Variants in STAG1 observed in about 807,000 individuals in gnomAD.
STAG1 encodes the protein cohesin subunit SA-1.
A neutral mutation model predicts 170.9 loss-of-function variants in STAG1; 26 were observed. The ratio of observed to expected loss-of-function variants is 0.15; its 90% CI spans 0.11 to 0.21. The LOEUF (loss-of-function observed/expected upper bound fraction) is 0.21. STAG1 is among the 10% of genes least tolerant of loss of function. STAG1 has a pLI of 1.00. For missense variants in STAG1, 964 were observed against 1,509.5 expected, an observed-to-expected ratio of 0.64 and a Z score of 5.99; for synonymous variants, 514 against 497.7, an observed-to-expected ratio of 1.03 and a Z score of -0.44.
chr3:136,721,845 AC>A (rs2107929987), intron 1 of STAG1, among the ~76,000 whole-genome samples: 1 of 151,056 alleles, frequency 6.6e-6, no homozygotes, highest in Admixed American at 6.6e-5. Context: ...AATGGCATGA[AC>A]CCGGGAGGCA....
At chr3:136,611,257 C>T (rs1269014189) in intron 3 of STAG1, among the ~76,000 whole-genome samples, 2 of 151,982 alleles carry the variant, frequency 1.3e-5, no homozygotes. Flanking sequence ...TCGAGCGATT[C>T]TCCTGCCTCA....
At chr3:136,458,052 G>T (rs1036068218) in intron 13 of STAG1, among the ~76,000 whole-genome samples, 2 of 152,162 alleles carry the variant, frequency 1.3e-5, no homozygotes, top group Admixed American at 1.3e-4. Flanking sequence ...CATGGGAGGG[G>T]AGCAGTGTTA....
chr3:136,579,280 C>CT (rs1375186249), intron 4 of STAG1, among the ~76,000 whole-genome samples: 1 of 152,226 alleles, frequency 6.6e-6, no homozygotes. Context: ...TCGTACTCAA[C>CT]TAAGTATGAA....
At chr3:136,678,878 A>C (rs1478276593) in intron 1 of STAG1, among the ~76,000 whole-genome samples, 1 of 150,882 alleles carries the variant, frequency 6.6e-6, no homozygotes, top group Non-Finnish European at 1.5e-5. Flanking sequence ...AAAAAGAAGA[A>C]AAAGAAAAAA....
In STAG1 at chr3:136,596,828, C is replaced by G. The variant is rs1450381638; in HGVS notation, c.297+7481G>C. The stretch of plus-strand genomic sequence containing the variant: ...GGGCTCACATCTGTAGTCCCAGCAC[C>G]TTGGGAGGCCAAGGCAGGCAGACTG... On this transcript the variant is annotated intron_variant, in intron 4 of 33. Coordinates refer to ENST00000383202, the MANE Select transcript of STAG1 (RefSeq NM_005862.3). 2.6e-5 allele frequency among the ~76,000 whole-genome samples: 4 copies of G among 152,142 alleles called. No individual in the cohort carries two copies. In the East Asian group the frequency reaches 7.7e-4, roughly 29 times the overall value.
At chr3:136,618,377 C>A (rs1312864571) in intron 3 of STAG1, among the ~76,000 whole-genome samples, 5 of 152,220 alleles carry the variant, frequency 3.3e-5, no homozygotes, top group African/African-American at 1.2e-4. Context: ...TGTGCACTCA[C>A]CATTGTTCCA....
intron 1 of STAG1, among the ~76,000 whole-genome samples, chr3:136,670,411 T>G (rs899342742): frequency 7.2e-5 from 11 of 152,160 alleles, no homozygotes; most frequent in Non-Finnish European, 1.3e-4. Flanking sequence ...ACAAAGAAAG[T>G]ACAATCATTT....
intron 21 of STAG1, among the ~76,000 whole-genome samples, chr3:136,409,521 T>C (rs1466767228): frequency 2.0e-5 from 3 of 151,910 alleles, no homozygotes; most frequent in Non-Finnish European, 4.4e-5. Context: ...ATTTTTAGTA[T>C]AGATGGGGTT....
At chr3:136,463,005 G>A (rs985329489) in intron 13 of STAG1, among the ~76,000 whole-genome samples, 4 of 152,060 alleles carry the variant, frequency 2.6e-5, no homozygotes, top group Non-Finnish European at 5.9e-5. Flanking sequence ...GAAGTTCTTT[G>A]AAAAGTAGAG....
At chr3:136,747,358 C>G (rs1378503627) in intron 1 of STAG1, among the ~76,000 whole-genome samples, 1 of 151,966 alleles carries the variant, frequency 6.6e-6, no homozygotes, top group African/African-American at 2.4e-5. Flanking sequence ...TTGTGTGACT[C>G]TGCCACTTAA....
intron 1 of STAG1, among the ~76,000 whole-genome samples, chr3:136,650,859 A>T (rs558967628): frequency 6.6e-6 from 1 of 152,146 alleles, no homozygotes; most frequent in East Asian, 1.9e-4. Context: ...GTGGTGGCCT[A>T]AAAAAGTGTC....
rs1210231710 is a variant in STAG1 at position 136,604,418 on chromosome 3, C to T, written c.188G>A (p.Gly63Glu). The part of the protein sequence containing the change: ...SPGEKSRIEA[G>E]IRGAGRGRAN... ...TCTTCCACGGCCTGCTCCTCTAATT[C>T]CAGCTTCAATTCTGCTCTTCTCACC... The change falls in exon 4 of 34, where the codon GGA becomes GAA. Residue 63 changes from glycine to glutamate, a missense_variant. This residue lies in a region of STAG1 where 108 missense variants were observed against 120.2 expected (regional missense o/e 0.90). Transcript: ENST00000383202. 14 of 1,613,426 alleles carry T rather than the reference C, an allele frequency of 8.7e-6. No homozygotes were observed. Among genetic ancestry groups the T allele is most frequent in the Non-Finnish European group, 1.1e-5 (13 of 1,179,770 alleles).
chr3:136,664,038 T>G (rs1227705758), intron 1 of STAG1, among the ~76,000 whole-genome samples: 2 of 152,184 alleles, frequency 1.3e-5, no homozygotes, highest in African/African-American at 4.8e-5. Context: ...CTTAGCCAAC[T>G]AGGCCTCTCC....
At chr3:136,470,242 A>G (rs1359012686) in intron 12 of STAG1, among the ~76,000 whole-genome samples, 2 of 152,246 alleles carry the variant, frequency 1.3e-5, no homozygotes, top group Non-Finnish European at 1.5e-5. Context: ...CTCATCTGAC[A>G]AAAGGCTAAT....
At chr3:136,658,581 A>T (rs1941471150) in intron 1 of STAG1, among the ~76,000 whole-genome samples, 1 of 152,244 alleles carries the variant, frequency 6.6e-6, no homozygotes, top group Admixed American at 6.5e-5. Context: ...AACAGCAGAT[A>T]TGTAAAATAA....
intron 13 of STAG1, among the ~76,000 whole-genome samples, chr3:136,464,073 A>G (rs936090152): frequency 2.0e-5 from 3 of 151,966 alleles, no homozygotes; most frequent in African/African-American, 4.8e-5. Flanking sequence ...AAAAAAATTA[A>G]ACTGCAACTA....
At chr3:136,397,403 G>A (rs1481643378) in intron 22 of STAG1, among the ~76,000 whole-genome samples, 1 of 151,738 alleles carries the variant, frequency 6.6e-6, no homozygotes. Context: ...TAGGTGGTTG[G>A]GGATTACCAC....
chr3:136,640,187 TAAC>T (rs1005740667), intron 1 of STAG1, among the ~76,000 whole-genome samples: 3 of 152,186 alleles, frequency 2.0e-5, no homozygotes, highest in African/African-American at 7.2e-5. Flanking sequence ...AAATAAAAGA[TAAC>T]AAGTTGTAGT....
chr3:136,565,817 T>C (rs1233114171), intron 5 of STAG1, among the ~76,000 whole-genome samples: 1 of 152,202 alleles, frequency 6.6e-6, no homozygotes, highest in Non-Finnish European at 1.5e-5. Flanking sequence ...CAAACAGTGA[T>C]ATATACATAC....
Sources: allele counts gnomAD v4.1 joint callset (sites outside exome capture counted in the v4.1 genomes callset), GRCh38; gene constraint gnomAD v4.1.1; regional missense constraint gnomAD v4.1.1; transcripts MANE v1.5; gene names NCBI Gene and HGNC (gene_info 2026-07-23, HGNC 2026-07-21).